ARAP2: variants seen among roughly 807,000 people sequenced by gnomAD.
ARAP2 encodes ArfGAP with RhoGAP domain, ankyrin repeat and PH domain 2.
A neutral mutation model predicts 194.5 loss-of-function variants in ARAP2; 148 were observed. That is an observed-to-expected ratio of 0.76 (90% confidence interval 0.67 to 0.87). The LOEUF is 0.87. Among genes scored for constraint, ARAP2 ranks in the 40% least tolerant of loss-of-function variants. The pLI is 0.00. For missense variants in ARAP2, 2,128 were observed against 1,989.7 expected, an observed-to-expected ratio of 1.07 and a Z score of -1.32; for synonymous variants, 695 against 683.5, an observed-to-expected ratio of 1.02 and a Z score of -0.26.
At chr4:36,033,917 A>G (rs945712087) in intron 5 of ARAP2, among the ~76,000 whole-genome samples, 1 of 151,962 alleles carries the variant, frequency 6.6e-6, no homozygotes, top group South Asian at 2.1e-4. Flanking sequence ...CCTTTTCCCA[A>G]TGCTTGTTTT....
At chr4:36,044,437 AT>A (rs1721472670) in intron 5 of ARAP2, among the ~76,000 whole-genome samples, 1 of 152,118 alleles carries the variant, frequency 6.6e-6, no homozygotes, top group Admixed American at 6.6e-5. Context: ...TTTTTCTGTC[AT>A]TTCTTTTTTA....
At position 36,129,968 on chromosome 4, in the gene ARAP2, T is replaced by A. The variant is rs113459819; in HGVS notation, c.3428-1223A>T. On this transcript the variant is annotated intron_variant, in intron 20 of 32. Transcript: ENST00000303965. ...GTTCTTTATCTTGTTCCTCTCTGCC[T>A]CAATATTTGGCATTGCCTTCTCCCT... Among the ~76,000 whole-genome samples the A allele has an allele frequency of 3.3e-3, 500 of 152,022 alleles. 7 individuals carry two copies. Among genetic ancestry groups the A allele is most frequent in the African/African-American group, 0.011 (456 of 41,526 alleles).
At chr4:36,197,711 C>T (rs186942760) in intron 6 of ARAP2, among the ~76,000 whole-genome samples, 5 of 152,334 alleles carry the variant, frequency 3.3e-5, no homozygotes, top group Middle Eastern at 3.4e-3. Context: ...AGCCACTGCA[C>T]ACAGTGAGGC....
intron 7 of ARAP2, among the ~76,000 whole-genome samples, chr4:36,190,107 T>G (rs1229665058): frequency 6.6e-6 from 1 of 152,218 alleles, no homozygotes; most frequent in African/African-American, 2.4e-5. Flanking sequence ...TTGCATACAC[T>G]GTTTGCTCTG....
chr4:36,131,412 A>C (rs933221213), intron 20 of ARAP2, among the ~76,000 whole-genome samples: 1 of 150,648 alleles, frequency 6.6e-6, no homozygotes, highest in Non-Finnish European at 1.5e-5. Context: ...ATATAGGACT[A>C]TATGTGTATA....
In ARAP2 at chr4:36,119,684, T is replaced by C. The variant is rs997295127; in HGVS notation, c.3929A>G (p.Glu1310Gly). 4.4e-6 allele frequency: 7 copies of C among 1,604,246 alleles called. No individual in the cohort carries two copies. Among genetic ancestry groups the C allele is most frequent in the African/African-American group, 2.7e-5 (2 of 74,592 alleles). Residue 1310 changes from glutamate (E) to glycine (G), a missense_variant, in exon 24 of 33, where the codon GAA becomes GGA. Glu to Gly is a moderately conservative substitution (Grantham distance 98). Transcript: ENST00000303965. ...KEDQVKQMDI[E>G]NSFITKWKDT... is the part of the protein sequence containing the mutation. ...TTTCCACTTGGTAATAAAGCTATTT[T>C]CTATGTCCATTTGTTTGACTTGATC...
chr4:36,089,226 T>A (rs962103855), intron 28 of ARAP2, among the ~76,000 whole-genome samples: 4 of 152,152 alleles, frequency 2.6e-5, no homozygotes, highest in Admixed American at 6.6e-5. Flanking sequence ...CAGACTTATA[T>A]GATACTATTT....
At chr4:36,032,089 A>C (rs1442450404) in intron 5 of ARAP2, among the ~76,000 whole-genome samples, 1 of 152,238 alleles carries the variant, frequency 6.6e-6, no homozygotes, top group Non-Finnish European at 1.5e-5. Flanking sequence ...GAAAGACTGA[A>C]CTTAACTTCC....
chr4:36,049,504 G>C (rs1722329388), intron 3 of ARAP2, among the ~76,000 whole-genome samples: 1 of 152,110 alleles, frequency 6.6e-6, no homozygotes, highest in Non-Finnish European at 1.5e-5. Context: ...TGATTTTCTT[G>C]AGGAATGACT....
At chr4:36,143,202 G>A (rs1728765123) in intron 19 of ARAP2, among the ~76,000 whole-genome samples, 1 of 151,628 alleles carries the variant, frequency 6.6e-6, no homozygotes, top group Non-Finnish European at 1.5e-5. Context: ...CATCTATTGT[G>A]CAGATTCTTT....
At chr4:36,099,246 T>C (rs1364893108) in intron 27 of ARAP2, among the ~76,000 whole-genome samples, 1 of 152,174 alleles carries the variant, frequency 6.6e-6, no homozygotes, top group East Asian at 1.9e-4. Context: ...TTCCTTTTTA[T>C]AGCTGCATAG....
rs377596224 is a variant in ARAP2 at position 36,085,357 on chromosome 4, C to G, written c.4426-1907G>C. The stretch of plus-strand genomic sequence containing the variant: ...TTTTTTTAGGATTTAAATCTTTTGT[C>G]AATCTGGAATACATTTTTTTATATA... On this transcript the variant is annotated intron_variant, in intron 28 of 32. Coordinates refer to ENST00000303965, the MANE Select transcript of ARAP2 (RefSeq NM_015230.4). 1.3e-3 allele frequency among the ~76,000 whole-genome samples: 202 copies of G among 151,972 alleles called. 4 individuals carry two copies. Among genetic ancestry groups the G allele is most frequent in the South Asian group, 9.3e-3 (45 of 4,816 alleles).
rs578195386 is a variant in ARAP2, at chr4:36,195,548, C to T, written c.1488-1901G>A. Among the ~76,000 whole-genome samples, 20 of 152,296 alleles carry T rather than the reference C, an allele frequency of 1.3e-4. No homozygotes were observed. In the South Asian group the frequency reaches 3.7e-3, roughly 28 times the overall value. ...CAAGATTTTGCTTTGGGACACAACC[C>T]ACTTCACACTGGGAATGACAGTAAG... is the stretch of plus-strand genomic sequence containing the variant. On this transcript the variant is annotated intron_variant, in intron 6 of 32. Coordinates refer to ENST00000303965, the MANE Select transcript of ARAP2 (RefSeq NM_015230.4).
At chr4:36,091,293 A>G (rs1313934206) in intron 28 of ARAP2, among the ~76,000 whole-genome samples, 3 of 152,142 alleles carry the variant, frequency 2.0e-5, no homozygotes, top group African/African-American at 7.2e-5. Context: ...TCTGATGTTA[A>G]GTTCAATATT....
In ARAP2 at chr4:36,133,447, C is replaced by T. The variant is rs1725921196; in HGVS notation, c.3264-58G>A. The T allele has an allele frequency of 2.0e-6, 3 of 1,468,514 alleles. No homozygotes were observed. In the Admixed American group the frequency reaches 5.9e-5, roughly 29 times the overall value. 91.0% of individuals were successfully genotyped at this position (1,468,514 alleles called of 1,614,324 possible). A position where few individuals can be genotyped will look rare whatever the true frequency, so the allele number is the denominator to read the frequency against. Reference sequence around the variant, plus strand: ...TTTTGCTCTTTAAAAAAAAATCTTACTCCAAGACAGATTACCCTAAAATCC... The same window carrying T: ...TTTTGCTCTTTAAAAAAAAATCTTATTCCAAGACAGATTACCCTAAAATCC... On this transcript the variant is annotated intron_variant, in intron 19 of 32. Coordinates refer to ENST00000303965, the MANE Select transcript of ARAP2 (RefSeq NM_015230.4).
chr4:36,067,804 A>G lies in ARAP2; in HGVS notation c.*103T>C. 7.3e-7 allele frequency: 1 copy of G among 1,369,342 alleles called. No homozygotes were observed. The highest frequency in any genetic ancestry group is 9.8e-7 in the Non-Finnish European group (1 of 1,025,598). 84.8% of individuals were successfully genotyped at this position (1,369,342 alleles called of 1,614,324 possible). On this transcript the variant is annotated 3_prime_UTR_variant, in exon 33 of 33. Transcript: ENST00000303965. Reference sequence around the variant, plus strand: ...AGCATAGACAAATTTGCCTATCAATAGGCAAATTCTTATGAATTATCTTAT... The same window carrying G: ...AGCATAGACAAATTTGCCTATCAATGGGCAAATTCTTATGAATTATCTTAT...
chr4:36,134,482 T>C (rs1287517022), intron 19 of ARAP2, among the ~76,000 whole-genome samples: 4 of 151,684 alleles, frequency 2.6e-5, no homozygotes, highest in African/African-American at 9.7e-5. Flanking sequence ...ATCTTCATGT[T>C]GTTCTTTCAG....
intron 2 of ARAP2, among the ~76,000 whole-genome samples, chr4:36,215,984 G>A (rs1045833044): frequency 6.6e-6 from 1 of 151,752 alleles, no homozygotes; most frequent in Admixed American, 6.6e-5. Flanking sequence ...AGTGGTTCAT[G>A]CCTATTATCA....
At chr4:36,158,067 T>G (rs1385116286) in intron 15 of ARAP2, among the ~76,000 whole-genome samples, 1 of 152,194 alleles carries the variant, frequency 6.6e-6, no homozygotes, top group African/African-American at 2.4e-5. Flanking sequence ...TTCTTAGATT[T>G]GTTCCAATGT....
Sources: gnomAD v4.1 joint callset for allele counts (sites outside exome capture counted in the v4.1 genomes callset) on GRCh38, gnomAD v4.1.1 for gene constraint, MANE v1.5 for transcripts, NCBI Gene and HGNC (gene_info 2026-07-23, HGNC 2026-07-21) for gene names.